The following HS3ST3B1 variants were observed in gnomAD, a reference collection of about 807,000 sequenced individuals.
HS3ST3B1 encodes heparan sulfate-glucosamine 3-sulfotransferase 3B1, also known as heparan sulfate glucosamine 3-O-sulfotransferase 3B1.
In HS3ST3B1, 13 loss-of-function variants were observed where a neutral mutation model predicts 21.3. The observed-to-expected ratio is 0.61, with a 90% CI of 0.40 to 0.97. The LOEUF is 0.97. Ranked by LOEUF, HS3ST3B1 falls within the 50% of genes least tolerant of loss-of-function variation. The probability of loss-of-function intolerance (pLI) is 0.00; values close to 1 mark genes in which losing one functional copy is unlikely to be tolerated. For synonymous variants in HS3ST3B1, 234 were observed against 254.8 expected, an observed-to-expected ratio of 0.92 and a Z score of 0.78; for missense variants, 459 against 554.8, an observed-to-expected ratio of 0.83 and a Z score of 1.73.
intron 1 of HS3ST3B1, among the ~76,000 whole-genome samples, chr17:14,302,504 A>G (rs1908969749): frequency 1.3e-5 from 2 of 152,258 alleles, no homozygotes; most frequent in Non-Finnish European, 2.9e-5. Context: ...AGGAACTTCT[A>G]GAGCAGCTTC....
chr17:14,320,808 A>C (rs1909638767), intron 1 of HS3ST3B1, among the ~76,000 whole-genome samples: 1 of 152,178 alleles, frequency 6.6e-6, no homozygotes, highest in South Asian at 2.1e-4. Flanking sequence ...GACCTACAAT[A>C]GGAACAGCCC....
intron 1 of HS3ST3B1, among the ~76,000 whole-genome samples, chr17:14,305,986 C>T (rs1010666801): frequency 9.9e-5 from 15 of 152,214 alleles, no homozygotes. Context: ...GGCAGTCCTG[C>T]TCCAGAGATC....
chr17:14,341,275 C>A (rs887502551), intron 1 of HS3ST3B1, among the ~76,000 whole-genome samples: 1 of 152,182 alleles, frequency 6.6e-6, no homozygotes, highest in Non-Finnish European at 1.5e-5. Flanking sequence ...GGACCCCAGG[C>A]AGGCTGAGAG....
At chr17:14,317,724 G>A (rs1009685277) in intron 1 of HS3ST3B1, among the ~76,000 whole-genome samples, 11 of 152,120 alleles carry the variant, frequency 7.2e-5, no homozygotes, top group African/African-American at 2.7e-4. Context: ...CCAGGAGGCT[G>A]GCTCAGAGGT....
rs551958335 is a variant in HS3ST3B1 at position 14,338,381 on chromosome 17, C to A, written c.555-6647C>A. On this transcript the variant is annotated intron_variant, in intron 1 of 1. Coordinates refer to ENST00000360954, the MANE Select transcript of HS3ST3B1 (RefSeq NM_006041.3). ...CCTTGTGATCTGCCCACCTTGGCCT[C>A]CCAAAGTGCTAGGATTACAGATGTG... Among the ~76,000 whole-genome samples, 40 of 151,858 alleles carry A rather than the reference C, an allele frequency of 2.6e-4. 3 individuals carry two copies. Among genetic ancestry groups the A allele is most frequent in the African/African-American group, 9.0e-4 (37 of 41,160 alleles).
chr17:14,318,192 C>T (rs1009786941), intron 1 of HS3ST3B1, among the ~76,000 whole-genome samples: 1 of 152,166 alleles, frequency 6.6e-6, no homozygotes, highest in Non-Finnish European at 1.5e-5. Context: ...CCGCTCGGCT[C>T]CCCAGGCCAG....
rs776076623 is a variant in HS3ST3B1 at position 14,345,649 on chromosome 17, A to G, written c.*3A>G. The stretch of plus-strand genomic sequence containing the variant: ...GGCACGACTTTGGCTGGGATTGAGC[A>G]GACCCGGGCTATGTACCTTACCCAC... On this transcript the variant is annotated 3_prime_UTR_variant, in exon 2 of 2. Transcript: ENST00000360954. 7 of 1,613,264 alleles carry G rather than the reference A, an allele frequency of 4.3e-6. No individual in the cohort carries two copies. The African/African-American group carries it at 9.3e-5, about 22-fold the overall frequency.
chr17:14,344,412 G>A (rs749578169), intron 1 of HS3ST3B1, among the ~76,000 whole-genome samples: 3 of 152,134 alleles, frequency 2.0e-5, no homozygotes, highest in Non-Finnish European at 4.4e-5. Flanking sequence ...GAATTTCCTC[G>A]TGGCATGTTT....
At chr17:14,310,471 C>T (rs1442864581) in intron 1 of HS3ST3B1, among the ~76,000 whole-genome samples, 3 of 152,198 alleles carry the variant, frequency 2.0e-5, no homozygotes, top group African/African-American at 7.2e-5. Flanking sequence ...AAAGAGGCAA[C>T]CTTTTTCCTC....
chr17:14,301,669 T>G lies in HS3ST3B1; in HGVS notation c.151T>G (p.Cys51Gly). The G allele has an allele frequency of 6.2e-7, 1 of 1,603,146 alleles. No individual in the cohort carries two copies. Among genetic ancestry groups the G allele is most frequent in the Non-Finnish European group, 8.5e-7 (1 of 1,176,662 alleles). The change falls in exon 1 of 2, where the codon TGC (cysteine) becomes GGC (glycine). Residue 51 changes from cysteine (C) to glycine (G), a missense_variant. Physicochemically the swap from Cys to Gly is radical, Grantham distance 159. Coordinates refer to ENST00000360954, the MANE Select transcript of HS3ST3B1 (RefSeq NM_006041.3). ...CTGGCTCTATATGTTCCTGTACTCG[T>G]GCGCCGGCTCCTGCGCCGCCGCGCC... ...CVWLYMFLYS[C>G]AGSCAAAPGL...
At chr17:14,331,383 AG>A (rs1414150966) in intron 1 of HS3ST3B1, among the ~76,000 whole-genome samples, 1 of 152,126 alleles carries the variant, frequency 6.6e-6, no homozygotes, top group Non-Finnish European at 1.5e-5. Flanking sequence ...CCCCAATGAA[AG>A]GGATCTTGAG....
rs1053967954 is a variant in HS3ST3B1 at position 14,349,234 on chromosome 17, T to A, written c.*3588T>A. 1 of 152,208 alleles carries A rather than the reference T, an allele frequency of 6.6e-6. No individual in the cohort carries two copies. Among genetic ancestry groups the A allele is most frequent in the African/African-American group, 2.4e-5 (1 of 41,454 alleles). 9.4% of individuals were successfully genotyped at this position (152,208 alleles called of 1,614,324 possible). On this transcript the variant is annotated 3_prime_UTR_variant, in exon 2 of 2. Transcript: ENST00000360954. ...ACTGTGCAAATTCTAGCAGTATGTC[T>A]TCGATAACTTGGATGTTAGGATAGC...
intron 1 of HS3ST3B1, among the ~76,000 whole-genome samples, chr17:14,339,680 G>C (rs1910310479): frequency 6.6e-6 from 1 of 152,164 alleles, no homozygotes; most frequent in Non-Finnish European, 1.5e-5. Context: ...CAAGCTCCAG[G>C]GCGCTATATA....
intron 1 of HS3ST3B1, among the ~76,000 whole-genome samples, chr17:14,339,676 C>T (rs978537187): frequency 1.3e-5 from 2 of 152,160 alleles, no homozygotes; most frequent in Non-Finnish European, 2.9e-5. Flanking sequence ...TTTGCAAGCT[C>T]CAGGGCGCTA....
chr17:14,324,392 A>C lies in HS3ST3B1; in HGVS notation c.555-20636A>C, dbSNP rs767048242. On this transcript the variant is annotated intron_variant, in intron 1 of 1. Coordinates refer to ENST00000360954, the MANE Select transcript of HS3ST3B1 (RefSeq NM_006041.3). Reference sequence around the variant, plus strand: ...TAACCTGTCAGTGGCTTTTCTTTCTATCTTCCTTTAAAACGTTTGTTTGTT... The same window carrying C: ...TAACCTGTCAGTGGCTTTTCTTTCTCTCTTCCTTTAAAACGTTTGTTTGTT... Among the ~76,000 whole-genome samples the C allele has an allele frequency of 4.0e-5, 6 of 151,838 alleles. No individual in the cohort carries two copies. In the South Asian group the frequency reaches 6.2e-4, roughly 16 times the overall value.
At position 14,301,674 on chromosome 17, in the gene HS3ST3B1, C is replaced by T. The variant is rs775110221; in HGVS notation, c.156C>T (p.Ala52=). The T allele has an allele frequency of 2.5e-6, 4 of 1,602,608 alleles. No homozygotes were observed. Among genetic ancestry groups the T allele is most frequent in the Non-Finnish European group, 3.4e-6 (4 of 1,176,504 alleles). Residue 52 remains alanine (A), a synonymous_variant, in exon 1 of 2, where the codon GCC becomes GCT. Transcript: ENST00000360954. ...VWLYMFLYSC[A]GSCAAAPGLL... is the part of the protein sequence containing the mutation. ...TCTATATGTTCCTGTACTCGTGCGC[C>T]GGCTCCTGCGCCGCCGCGCCGGGGC... is the stretch of plus-strand genomic sequence containing the variant.
At chr17:14,318,211 G>T (rs1909557840) in intron 1 of HS3ST3B1, among the ~76,000 whole-genome samples, 1 of 152,184 alleles carries the variant, frequency 6.6e-6, no homozygotes, top group South Asian at 2.1e-4. Context: ...AGCTTCTCCA[G>T]CCCGATGGTG....
At chr17:14,313,146 T>C (rs889724427) in intron 1 of HS3ST3B1, among the ~76,000 whole-genome samples, 1 of 92,932 alleles carries the variant, frequency 1.1e-5, no homozygotes, top group African/African-American at 4.1e-5. Flanking sequence ...ATATATATAT[T>C]TTTAGTAGAG....
In HS3ST3B1 at chr17:14,335,640, G is replaced by A. The variant is rs532461530; in HGVS notation, c.555-9388G>A. Among the ~76,000 whole-genome samples, 12 of 152,000 alleles carry A rather than the reference G, an allele frequency of 7.9e-5. No individual in the cohort carries two copies. In the South Asian group the frequency reaches 2.1e-3, roughly 26 times the overall value. The stretch of plus-strand genomic sequence containing the variant: ...ACCGAGGAGGCGGAGGTTGCAGAGA[G>A]CCGAGATCGCACCACTGCACTCCAG... On this transcript the variant is annotated intron_variant, in intron 1 of 1. Coordinates refer to ENST00000360954, the MANE Select transcript of HS3ST3B1 (RefSeq NM_006041.3).
Sources: allele counts gnomAD v4.1 joint callset (sites outside exome capture counted in the v4.1 genomes callset), GRCh38; gene constraint gnomAD v4.1.1; transcripts MANE v1.5; gene names NCBI Gene and HGNC (gene_info 2026-07-23, HGNC 2026-07-21).